The following CNTN3 variants were observed in gnomAD, a reference collection of about 807,000 sequenced individuals.
CNTN3 encodes contactin-3.
CNTN3 carries 60 observed loss-of-function variants against 119.1 expected under a neutral mutation model. The ratio of observed to expected loss-of-function variants is 0.50; its 90% confidence interval spans 0.41 to 0.62. CNTN3 has a LOEUF of 0.62. Among genes scored for constraint, CNTN3 ranks in the 20% least tolerant of loss-of-function variants. The pLI, the probability that CNTN3 is intolerant of heterozygous loss-of-function variation, is 0.00. For missense variants in CNTN3, 1,101 were observed against 1,242.4 expected, an observed-to-expected ratio of 0.89 and a Z score of 1.71; for synonymous variants, 450 against 438.7, an observed-to-expected ratio of 1.03 and a Z score of -0.32.
chr3:74,555,589 A>C (rs1052826460), intron 1 of CNTN3, among the ~76,000 whole-genome samples: 1 of 152,166 alleles, frequency 6.6e-6, no homozygotes, highest in African/African-American at 2.4e-5. Context: ...TCAATTTCAG[A>C]ACCTGTTATT....
chr3:74,588,312 C>T (rs1162164521), intron 1 of CNTN3, among the ~76,000 whole-genome samples: 1 of 152,028 alleles, frequency 6.6e-6, no homozygotes, highest in African/African-American at 2.4e-5. Context: ...ACACCAATAA[C>T]AGACAAACAG....
chr3:74,264,380 A>T lies in CNTN3; in HGVS notation c.*21T>A. The T allele has an allele frequency of 7.5e-7, 1 of 1,340,298 alleles. No homozygotes were observed. Among genetic ancestry groups the T allele is most frequent in the African/African-American group, 1.5e-5 (1 of 66,712 alleles). The allele number at this position is 1,340,298 out of a possible 1,614,324, so 83.0% of individuals were successfully genotyped here. A position where few individuals can be genotyped will look rare whatever the true frequency, so the allele number is the denominator to read the frequency against. On this transcript the variant is annotated 3_prime_UTR_variant, in exon 23 of 23. Coordinates refer to ENST00000263665, the MANE Select transcript of CNTN3 (RefSeq NM_020872.3). ...TTGGTAACCAAATAACTTTCCAATA[A>T]ATAATAAAAAGGAGTTAATATCACC...
intron 5 of CNTN3, among the ~76,000 whole-genome samples, chr3:74,388,756 C>A (rs2106824392): frequency 6.6e-6 from 1 of 152,252 alleles, no homozygotes; most frequent in Admixed American, 6.5e-5. Flanking sequence ...ACAACTTCAA[C>A]AAAGAAAGCC....
intron 19 of CNTN3, among the ~76,000 whole-genome samples, chr3:74,285,832 TATATATAA>T (rs1702105595): frequency 8.4e-6 from 1 of 118,866 alleles, no homozygotes; most frequent in South Asian, 2.5e-4. Context: ...TATATATATA[TATATATAA>T]AATTAAAAAT....
chr3:74,610,265 G>C (rs1407202619), intron 1 of CNTN3, among the ~76,000 whole-genome samples: 2 of 151,956 alleles, frequency 1.3e-5, no homozygotes, highest in African/African-American at 4.8e-5. Context: ...CGAGGTTCCA[G>C]TGAACCATGA....
chr3:74,581,000 G>A (rs1446255924), intron 1 of CNTN3, among the ~76,000 whole-genome samples: 1 of 152,144 alleles, frequency 6.6e-6, no homozygotes, highest in Non-Finnish European at 1.5e-5. Context: ...GGGATTACAG[G>A]CGTGAGCCAC....
At chr3:74,372,353 C>T (rs1029135440) in intron 5 of CNTN3, among the ~76,000 whole-genome samples, 16 of 151,964 alleles carry the variant, frequency 1.1e-4, no homozygotes, top group Admixed American at 6.6e-4. Context: ...ACTTTATGGC[C>T]AAGGTGAATC....
At chr3:74,360,487 A>T (rs1704051458) in intron 11 of CNTN3, among the ~76,000 whole-genome samples, 1 of 152,172 alleles carries the variant, frequency 6.6e-6, no homozygotes, top group Non-Finnish European at 1.5e-5. Flanking sequence ...AATATTTAAA[A>T]GTGATAATTC....
intron 20 of CNTN3, among the ~76,000 whole-genome samples, chr3:74,281,495 T>G (rs547269560): frequency 2.6e-4 from 40 of 151,984 alleles, no homozygotes; most frequent in African/African-American, 9.2e-4. Flanking sequence ...CCACCACACC[T>G]GGTTAATTCT....
chr3:74,413,122 C>G (rs1480917323), intron 5 of CNTN3, among the ~76,000 whole-genome samples: 1 of 152,178 alleles, frequency 6.6e-6, no homozygotes, highest in Non-Finnish European at 1.5e-5. Context: ...GTCTATACCA[C>G]CTGTGAACAG....
At chr3:74,530,843 T>C (rs1703683050) in intron 1 of CNTN3, among the ~76,000 whole-genome samples, 1 of 151,854 alleles carries the variant, frequency 6.6e-6, no homozygotes, top group Admixed American at 6.6e-5. Context: ...CAGCACTACA[T>C]TCAGGGAACT....
At chr3:74,301,986 C>G (rs1224080825) in intron 14 of CNTN3, among the ~76,000 whole-genome samples, 181 bp from the exon 15 acceptor site, 1 of 152,210 alleles carries the variant, frequency 6.6e-6, no homozygotes, top group African/African-American at 2.4e-5. Context: ...TACTCTCCCT[C>G]CCCGCATTTC....
chr3:74,557,018 TTGTATTCTAA>T (rs1377876959), intron 1 of CNTN3, among the ~76,000 whole-genome samples: 2 of 152,200 alleles, frequency 1.3e-5, no homozygotes, highest in Non-Finnish European at 2.9e-5. Context: ...GAGAGTTTTT[TTGTATTCTAA>T]TATAAGTCCC....
chr3:74,588,564 C>A (rs1704640213), intron 1 of CNTN3, among the ~76,000 whole-genome samples: 1 of 152,054 alleles, frequency 6.6e-6, no homozygotes, highest in South Asian at 2.1e-4. Context: ...CCATCCCCAT[C>A]AAGCTACCAA....
intron 2 of CNTN3, among the ~76,000 whole-genome samples, chr3:74,500,757 G>A (rs1158755048): frequency 1.3e-5 from 2 of 152,018 alleles, no homozygotes; most frequent in Non-Finnish European, 2.9e-5. Context: ...CAACAATAAA[G>A]TAACAATATG....
chr3:74,423,474 G>A (rs1326218969), intron 5 of CNTN3, among the ~76,000 whole-genome samples: 1 of 152,292 alleles, frequency 6.6e-6, no homozygotes, highest in East Asian at 1.9e-4. Context: ...CCAGGAAGGA[G>A]TGAGAGCTGG....
chr3:74,271,696 G>A (rs974142530), intron 20 of CNTN3, among the ~76,000 whole-genome samples: 4 of 152,214 alleles, frequency 2.6e-5, no homozygotes, highest in East Asian at 3.9e-4. Flanking sequence ...TAGAAGTTAC[G>A]CTTTGCACTT....
At position 74,361,861 on chromosome 3, in the gene CNTN3, A is replaced by C. The variant is rs756225011; in HGVS notation, c.1364+29T>G. The C allele has an allele frequency of 1.8e-4, 289 of 1,577,452 alleles. 1 individual carries two copies. Among genetic ancestry groups the C allele is most frequent in the Non-Finnish European group, 2.2e-4 (260 of 1,159,104 alleles). On this transcript the variant is annotated intron_variant, in intron 11 of 22. Transcript: ENST00000263665. ...CAGTATGGAAAGTGAGAGGAAAGTA[A>C]ATGACCACTTTTCTGGACATCAAAA...
At chr3:74,535,543 T>C (rs897541516) in intron 1 of CNTN3, among the ~76,000 whole-genome samples, 2 of 152,044 alleles carry the variant, frequency 1.3e-5, no homozygotes, top group African/African-American at 4.8e-5. Flanking sequence ...CTGAGTCTGA[T>C]AGGCCAGATA....
Sources: gnomAD v4.1 joint callset for allele counts (sites outside exome capture counted in the v4.1 genomes callset) on GRCh38, gnomAD v4.1.1 for gene constraint, MANE v1.5 for transcripts, NCBI Gene and HGNC (gene_info 2026-07-23, HGNC 2026-07-21) for gene names.